The following LYPD6 variants were observed in gnomAD, a reference collection of about 807,000 sequenced individuals.
The protein encoded by LYPD6 is LY6/PLAUR domain containing 6, also known as ly6/PLAUR domain-containing protein 6.
LYPD6 carries 15 observed loss-of-function variants against 22.7 expected under a neutral mutation model. The ratio of observed to expected loss-of-function variants is 0.66; its 90% CI spans 0.44 to 1.02. The LOEUF is 1.02. Among genes scored for constraint, LYPD6 ranks in the 50% least tolerant of loss-of-function variants. The pLI, the probability that LYPD6 is intolerant of heterozygous loss-of-function variation, is 0.00. For missense variants in LYPD6, 189 were observed against 208.4 expected (o/e 0.91, Z 0.57); for synonymous variants, 72 against 77.5 (o/e 0.93, Z 0.37).
intron 1 of LYPD6, among the ~76,000 whole-genome samples, chr2:149,433,619 GT>G (rs1433002782): frequency 6.6e-6 from 1 of 152,068 alleles, no homozygotes; most frequent in Non-Finnish European, 1.5e-5. Flanking sequence ...GGCCATTTGG[GT>G]TTTTTAGCTT....
chr2:149,430,572 T>G (rs971457911), intron 1 of LYPD6, among the ~76,000 whole-genome samples: 3 of 152,240 alleles, frequency 2.0e-5, no homozygotes, highest in African/African-American at 7.2e-5. Context: ...ACCACCATAT[T>G]AAAAATTAAA....
intron 2 of LYPD6, among the ~76,000 whole-genome samples, chr2:149,441,658 T>C (rs746507796): frequency 6.6e-6 from 1 of 152,252 alleles, no homozygotes; most frequent in Non-Finnish European, 1.5e-5. Flanking sequence ...TTGCTTGTTT[T>C]TATGTGAAAA....
intron 1 of LYPD6, chr2:149,368,037 T>C (rs1211536676): frequency 2.0e-5 from 3 of 152,156 alleles, no homozygotes; most frequent in Non-Finnish European, 4.4e-5. Flanking sequence ...CTTACAGTCT[T>C]ATGGAAGAGA....
At chr2:149,353,136 A>G (rs1238406597) in intron 1 of LYPD6, among the ~76,000 whole-genome samples, 1 of 152,216 alleles carries the variant, frequency 6.6e-6, no homozygotes, top group Admixed American at 6.5e-5. Context: ...AGTAAGCACA[A>G]ATTCTGGCAT....
chr2:149,350,536 G>A (rs2105058133), intron 1 of LYPD6, among the ~76,000 whole-genome samples: 2 of 152,248 alleles, frequency 1.3e-5, no homozygotes, highest in Admixed American at 1.3e-4. Context: ...TAGTGGCAAA[G>A]GGGTTTATAA....
chr2:149,387,901 A>G (rs1682222662), intron 1 of LYPD6, among the ~76,000 whole-genome samples: 1 of 152,232 alleles, frequency 6.6e-6, no homozygotes, highest in African/African-American at 2.4e-5. Flanking sequence ...GGTGGGGTCT[A>G]CATGAAATAT....
chr2:149,357,660 A>C (rs1376019653), intron 1 of LYPD6, among the ~76,000 whole-genome samples: 1 of 152,178 alleles, frequency 6.6e-6, no homozygotes, highest in Non-Finnish European at 1.5e-5. Flanking sequence ...TGTTTTTGAC[A>C]TGATGGTAGA....
chr2:149,482,283 GCCTCCTTACC>G, the LYPD6 span, among the ~76,000 whole-genome samples: 1 of 152,110 alleles, frequency 6.6e-6, no homozygotes, highest in Non-Finnish European at 1.5e-5. Context: ...CAAACACAAT[GCCTCCTTACC>G]CCTTAATACT....
At chr2:149,419,027 C>T (rs891057877) in intron 1 of LYPD6, among the ~76,000 whole-genome samples, 8 of 152,232 alleles carry the variant, frequency 5.3e-5, no homozygotes, top group Admixed American at 1.3e-4. Context: ...TTAGCTTACT[C>T]ATCTGTAAAA....
the LYPD6 span, among the ~76,000 whole-genome samples, chr2:149,483,617 A>T: frequency 6.6e-6 from 1 of 151,768 alleles, no homozygotes; most frequent in East Asian, 1.9e-4. Context: ...GCAGTTGGTT[A>T]AAAAAAATAG....
At chr2:149,410,522 G>A (rs1047782420) in intron 1 of LYPD6, among the ~76,000 whole-genome samples, 1 of 151,518 alleles carries the variant, frequency 6.6e-6, no homozygotes. Flanking sequence ...AAACAAATGA[G>A]GTTGTTTACC....
At chr2:149,402,066 C>T (rs779552541) in intron 1 of LYPD6, among the ~76,000 whole-genome samples, 23 of 152,100 alleles carry the variant, frequency 1.5e-4, no homozygotes, top group African/African-American at 2.9e-4. Context: ...GTGCAGCAAA[C>T]CACCATGGCA....
At position 149,369,459 on chromosome 2, in the gene LYPD6, A is replaced by G. The variant is rs556856073; in HGVS notation, c.-72+38737A>G. ...CCTCAGATAATGAGATCTCCCATCC[A>G]ATTGACTGCCTTTCGACCTCAACTC... On this transcript the variant is annotated intron_variant, in intron 1 of 4. Coordinates refer to ENST00000334166, the MANE Select transcript of LYPD6 (RefSeq NM_194317.5). Among the ~76,000 whole-genome samples, 3 of 152,216 alleles carry G rather than the reference A, an allele frequency of 2.0e-5. No individual in the cohort carries two copies. The South Asian group carries it at 6.2e-4, about 32-fold the overall frequency.
chr2:149,435,188 C>T (rs1033714956), intron 1 of LYPD6, among the ~76,000 whole-genome samples: 1 of 152,112 alleles, frequency 6.6e-6, no homozygotes, highest in African/African-American at 2.4e-5. Context: ...GCAGCCTTGC[C>T]GACACCTTGA....
intron 1 of LYPD6, among the ~76,000 whole-genome samples, chr2:149,418,790 A>G (rs1573791668): frequency 6.6e-6 from 1 of 152,294 alleles, no homozygotes; most frequent in Admixed American, 6.5e-5. Flanking sequence ...TGCTTGCTTT[A>G]TACTTCTTAA....
chr2:149,469,923 ATGT>A (rs977206628), intron 4 of LYPD6, among the ~76,000 whole-genome samples: 1 of 152,122 alleles, frequency 6.6e-6, no homozygotes, highest in African/African-American at 2.4e-5. Context: ...ACTGTATAGA[ATGT>A]TATTAATAAC....
At chr2:149,335,988 T>A (rs1244343806) in intron 1 of LYPD6, among the ~76,000 whole-genome samples, 1 of 152,178 alleles carries the variant, frequency 6.6e-6, no homozygotes, top group East Asian at 1.9e-4. Flanking sequence ...AGAACATATC[T>A]CCATTGTTCA....
intron 1 of LYPD6, among the ~76,000 whole-genome samples, chr2:149,338,043 AGG>A (rs1681071946): frequency 7.0e-6 from 1 of 142,302 alleles, no homozygotes. Context: ...ATGAGCATTT[AGG>A]TTGATTCCAT....
chr2:149,400,351 A>G (rs1682525732), intron 1 of LYPD6, among the ~76,000 whole-genome samples: 1 of 152,212 alleles, frequency 6.6e-6, no homozygotes, highest in African/African-American at 2.4e-5. Context: ...TTACCTAGCA[A>G]ACGGAAAGCA....
Sources: allele counts gnomAD v4.1 joint callset (sites outside exome capture counted in the v4.1 genomes callset), GRCh38; gene constraint gnomAD v4.1.1; transcripts MANE v1.5; gene names NCBI Gene and HGNC (gene_info 2026-07-23, HGNC 2026-07-21).